Variants in DLG2 observed in about 807,000 individuals in gnomAD.
The protein encoded by DLG2 is discs large MAGUK scaffold protein 2, also known as disks large homolog 2.
In DLG2, 45 loss-of-function variants were observed where a neutral mutation model predicts 132.5. The observed-to-expected ratio is 0.34, with a 90% CI of 0.27 to 0.44. The LOEUF is 0.44. Ranked by LOEUF, DLG2 falls within the 20% of genes least tolerant of loss-of-function variation. The probability of loss-of-function intolerance (pLI) is 1.00; values close to 1 mark genes in which losing one functional copy is unlikely to be tolerated. For missense variants in DLG2, 1,045 were observed against 1,196.9 expected, an observed-to-expected ratio of 0.87 and a Z score of 1.87; for synonymous variants, 424 against 419.6, an observed-to-expected ratio of 1.01 and a Z score of -0.13.
At chr11:85,393,729 A>G (rs920237746) in intron 3 of DLG2, among the ~76,000 whole-genome samples, 1 of 151,914 alleles carries the variant, frequency 6.6e-6, no homozygotes, top group African/African-American at 2.4e-5. Flanking sequence ...TATTATATGT[A>G]TATAATATGT....
chr11:85,080,256 T>A lies in DLG2; in HGVS notation c.357+31405A>T, dbSNP rs76496597. Among the ~76,000 whole-genome samples the A allele has an allele frequency of 9.9e-3, 1,513 of 152,186 alleles. 96 individuals carry two copies. The East Asian group carries it at 0.18, about 18-fold the overall frequency. On this transcript the variant is annotated intron_variant, in intron 6 of 27. Coordinates refer to ENST00000376104, the MANE Select transcript of DLG2 (RefSeq NM_001142699.3). ...CAGTAAGATTTTAAAAGGTTTTAAA[T>A]TGGGAGGATATCAGCTAGAAAGGAA... is the stretch of plus-strand genomic sequence containing the variant.
At chr11:85,356,670 T>TC (rs1429856913) in intron 3 of DLG2, among the ~76,000 whole-genome samples, 10 of 152,168 alleles carry the variant, frequency 6.6e-5, no homozygotes, top group African/African-American at 2.2e-4. Flanking sequence ...TTTTTCATAT[T>TC]TACAAAAGAG....
chr11:85,373,757 T>G lies in DLG2; in HGVS notation c.41-88392A>C, dbSNP rs2085176319. Reference sequence around the variant, plus strand: ...ATAAAACCCTGCTTTACTCACCCTTTAAACCATCTGTGAGCCTAAATTTTC... The same window carrying G: ...ATAAAACCCTGCTTTACTCACCCTTGAAACCATCTGTGAGCCTAAATTTTC... On this transcript the variant is annotated intron_variant, in intron 3 of 27. Coordinates refer to ENST00000376104, the MANE Select transcript of DLG2 (RefSeq NM_001142699.3). Among the ~76,000 whole-genome samples the G allele has an allele frequency of 1.3e-5, 2 of 152,164 alleles. 1 individual carries two copies. The highest frequency in any genetic ancestry group is 4.1e-4 in the South Asian group (2 of 4,822).
At chr11:84,793,889 AT>A (rs1475547862) in intron 6 of DLG2, among the ~76,000 whole-genome samples, 1 of 152,176 alleles carries the variant, frequency 6.6e-6, no homozygotes, top group Non-Finnish European at 1.5e-5. Flanking sequence ...TAGTTCATTT[AT>A]CTTTGATGTT....
At chr11:84,911,242 A>T (rs951004129) in intron 6 of DLG2, among the ~76,000 whole-genome samples, 6 of 152,056 alleles carry the variant, frequency 3.9e-5, no homozygotes, top group Admixed American at 3.9e-4. Context: ...TGTGAAATTC[A>T]TATTTAATTT....
intron 14 of DLG2, among the ~76,000 whole-genome samples, chr11:83,952,983 A>T (rs1323213846): frequency 1.3e-5 from 2 of 152,182 alleles, no homozygotes; most frequent in Non-Finnish European, 2.9e-5. Flanking sequence ...GGATATAAAG[A>T]TGGAAAAAAT....
intron 6 of DLG2, among the ~76,000 whole-genome samples, chr11:84,624,857 C>CA (rs2099619652): frequency 1.3e-5 from 1 of 76,178 alleles, no homozygotes; most frequent in Non-Finnish European, 2.2e-5. Context: ...GAGAGTCAAC[C>CA]TTTTTTTTTT....
At chr11:84,408,475 CAATT>C (rs2098872820) in intron 7 of DLG2, among the ~76,000 whole-genome samples, 1 of 152,088 alleles carries the variant, frequency 6.6e-6, no homozygotes, top group Non-Finnish European at 1.5e-5. Flanking sequence ...TTATTTAAGA[CAATT>C]AACCAGCCAC....
At chr11:83,468,551 A>G (rs1207478036) in intron 25 of DLG2, among the ~76,000 whole-genome samples, 1 of 152,178 alleles carries the variant, frequency 6.6e-6, no homozygotes, top group African/African-American at 2.4e-5. Flanking sequence ...ACATTGAGAA[A>G]GGTCATGGCA....
chr11:84,031,878 T>G (rs1224137130), intron 11 of DLG2, among the ~76,000 whole-genome samples: 1 of 152,186 alleles, frequency 6.6e-6, no homozygotes, highest in Non-Finnish European at 1.5e-5. Flanking sequence ...GTGTCACATT[T>G]TTTTTGGTAA....
intron 3 of DLG2, among the ~76,000 whole-genome samples, chr11:85,582,374 G>A (rs2078582170): frequency 6.6e-6 from 1 of 151,982 alleles, no homozygotes; most frequent in South Asian, 2.1e-4. Context: ...ACAATAGTAA[G>A]ATATAGCATA....
At position 84,412,781 on chromosome 11, in the gene DLG2, A is replaced by G. The variant is rs1012300195; in HGVS notation, c.519+121789T>C. 6.6e-5 allele frequency among the ~76,000 whole-genome samples: 10 copies of G among 152,174 alleles called. No individual in the cohort carries two copies. The East Asian group carries it at 1.9e-3, about 29-fold the overall frequency. ...CTCATTCTGCTACATTCCAGTTCCC[A>G]GAATAGAGTTTTGCCTTGGCTGACT... On this transcript the variant is annotated intron_variant, in intron 7 of 27. Transcript: ENST00000376104.
chr11:83,919,977 G>A (rs555104329), intron 15 of DLG2, among the ~76,000 whole-genome samples: 1 of 152,268 alleles, frequency 6.6e-6, no homozygotes, highest in African/African-American at 2.4e-5. Context: ...TGTTAGGCAG[G>A]TTGCTCAAAG....
intron 3 of DLG2, among the ~76,000 whole-genome samples, chr11:85,531,372 C>T (rs1294051316): frequency 3.9e-5 from 6 of 152,138 alleles, no homozygotes; most frequent in African/African-American, 9.7e-5. Context: ...ACTGCTACCC[C>T]GAATTTCTAC....
intron 8 of DLG2, among the ~76,000 whole-genome samples, chr11:84,231,831 A>G (rs1052448200): frequency 6.6e-6 from 1 of 152,152 alleles, no homozygotes; most frequent in African/African-American, 2.4e-5. Flanking sequence ...GTTCAGAGGC[A>G]AATGAGGGAG....
At chr11:85,150,371 T>G (rs527267241) in intron 5 of DLG2, among the ~76,000 whole-genome samples, 1 of 152,208 alleles carries the variant, frequency 6.6e-6, no homozygotes, top group South Asian at 2.1e-4. Context: ...AACCTTAAAT[T>G]TATAATACTG....
chr11:83,518,365 T>A (rs1445351105), intron 21 of DLG2, among the ~76,000 whole-genome samples: 1 of 152,212 alleles, frequency 6.6e-6, no homozygotes, highest in Non-Finnish European at 1.5e-5. Context: ...CTAAGACCAT[T>A]GGAAAAGCGC....
At chr11:83,797,245 A>AGAAGAT (rs1555410686) in intron 17 of DLG2, among the ~76,000 whole-genome samples, 6 of 150,798 alleles carry the variant, frequency 4.0e-5, no homozygotes, top group Non-Finnish European at 8.8e-5. Context: ...AAGAAGAAGA[A>AGAAGAT]GATGATGATG....
chr11:84,932,266 T>C (rs1167607008), intron 6 of DLG2, among the ~76,000 whole-genome samples: 1 of 152,190 alleles, frequency 6.6e-6, no homozygotes, highest in African/African-American at 2.4e-5. Flanking sequence ...TACATTGAAG[T>C]ATTTAATCCA....
Sources: gnomAD v4.1 joint callset for allele counts (sites outside exome capture counted in the v4.1 genomes callset) on GRCh38, gnomAD v4.1.1 for gene constraint, MANE v1.5 for transcripts, NCBI Gene and HGNC (gene_info 2026-07-23, HGNC 2026-07-21) for gene names.